Variants in FRMD5 observed in about 807,000 individuals in gnomAD.
FRMD5 encodes the protein FERM domain-containing protein 5.
In FRMD5, 20 loss-of-function variants were observed where a neutral mutation model predicts 69.0. The ratio of observed to expected loss-of-function variants is 0.29; its 90% CI spans 0.20 to 0.42. FRMD5 has a LOEUF of 0.42. FRMD5 is among the 10% of genes least tolerant of loss of function. The pLI, the probability that FRMD5 is intolerant of heterozygous loss-of-function variation, is 1.00. For missense variants in FRMD5, 595 were observed against 708.6 expected (o/e 0.84, Z 1.82); for synonymous variants, 271 against 260.1 (o/e 1.04, Z -0.40).
chr15:44,117,327 T>A (rs2076883568), intron 1 of FRMD5, among the ~76,000 whole-genome samples: 1 of 152,164 alleles, frequency 6.6e-6, no homozygotes, highest in Admixed American at 6.5e-5. Flanking sequence ...TCCTGCTTGC[T>A]CAGTTTCTGA....
At chr15:44,148,222 T>C (rs138773613) in intron 1 of FRMD5, among the ~76,000 whole-genome samples, 169 of 152,108 alleles carry the variant, frequency 1.1e-3, no homozygotes, top group African/African-American at 4.0e-3. Flanking sequence ...TAAATGAAGA[T>C]ATAGGCATAC....
chr15:44,041,949 A>G (rs981150367), intron 1 of FRMD5, among the ~76,000 whole-genome samples: 14 of 152,204 alleles, frequency 9.2e-5, no homozygotes, highest in Non-Finnish European at 1.0e-4. Flanking sequence ...ACTGAGGGAG[A>G]TAGAGACATG....
At chr15:43,917,362 G>A (rs2089409391) in intron 4 of FRMD5, among the ~76,000 whole-genome samples, 1 of 152,120 alleles carries the variant, frequency 6.6e-6, no homozygotes, top group South Asian at 2.1e-4. Flanking sequence ...CATGAGTGGG[G>A]CAGGCTAGTG....
intron 1 of FRMD5, among the ~76,000 whole-genome samples, chr15:44,054,320 C>T (rs1264453291): frequency 6.6e-6 from 1 of 152,156 alleles, no homozygotes; most frequent in Non-Finnish European, 1.5e-5. Flanking sequence ...CAACCTCTAT[C>T]CTATTATCTT....
intron 9 of FRMD5, 52 bp downstream of exon 9, chr15:43,888,757 G>A: frequency 2.7e-6 from 4 of 1,505,082 alleles, no homozygotes; most frequent in Non-Finnish European, 3.7e-6. Flanking sequence ...TGGCCACCAG[G>A]AAGCATCCCA....
intron 1 of FRMD5, among the ~76,000 whole-genome samples, chr15:44,010,623 G>A (rs192852053): frequency 7.6e-4 from 115 of 152,210 alleles, no homozygotes; most frequent in African/African-American, 2.6e-3. Flanking sequence ...GACCTCAAGT[G>A]ATCCAGCTGC....
intron 7 of FRMD5, among the ~76,000 whole-genome samples, chr15:43,895,352 G>T (rs572170080): frequency 6.6e-6 from 1 of 152,202 alleles, no homozygotes; most frequent in African/African-American, 2.4e-5. Context: ...TCAGAGATCC[G>T]CCAGAGTCCT....
intron 1 of FRMD5, among the ~76,000 whole-genome samples, chr15:44,037,788 T>C (rs1481666151): frequency 6.6e-6 from 1 of 152,084 alleles, no homozygotes; most frequent in African/African-American, 2.4e-5. Flanking sequence ...GTGTCTATAG[T>C]AGAATGATTT....
chr15:44,074,167 A>G (rs1355234577), intron 1 of FRMD5, among the ~76,000 whole-genome samples: 2 of 152,236 alleles, frequency 1.3e-5, no homozygotes, highest in Non-Finnish European at 2.9e-5. Context: ...TGAGTAGTTT[A>G]GACAATATTA....
chr15:43,938,331 C>T (rs2140481172), intron 1 of FRMD5, among the ~76,000 whole-genome samples: 1 of 152,176 alleles, frequency 6.6e-6, no homozygotes, highest in African/African-American at 2.4e-5. Context: ...CTATTAACCC[C>T]ATTTTATAAA....
chr15:43,940,160 C>G (rs2089837671), intron 1 of FRMD5, among the ~76,000 whole-genome samples: 1 of 152,150 alleles, frequency 6.6e-6, no homozygotes, highest in South Asian at 2.1e-4. Flanking sequence ...GCCTGGGCGA[C>G]AGGGCAAAAC....
intron 1 of FRMD5, among the ~76,000 whole-genome samples, chr15:44,014,384 A>G (rs1890861119): frequency 6.6e-6 from 1 of 152,220 alleles, no homozygotes; most frequent in Admixed American, 6.5e-5. Context: ...CTTTTTAGCT[A>G]TGAGATGTCA....
intron 1 of FRMD5, among the ~76,000 whole-genome samples, chr15:44,027,638 AGTTTTTTTTTTT>A (rs138642104): frequency 0.62 from 80,713 of 131,026 alleles, 26,532 homozygotes; most frequent in Non-Finnish European, 0.72. Context: ...TTTCTTTTCT[AGTTTTTTTTTTT>A]GTTTTTTTTT....
chr15:43,950,585 A>G (rs572784270), intron 1 of FRMD5, among the ~76,000 whole-genome samples: 1 of 152,276 alleles, frequency 6.6e-6, no homozygotes, highest in South Asian at 2.1e-4. Flanking sequence ...TCTTAACCTC[A>G]GTTTCACCTG....
chr15:44,081,718 C>T (rs958557709), intron 1 of FRMD5, among the ~76,000 whole-genome samples: 1 of 151,960 alleles, frequency 6.6e-6, no homozygotes, highest in African/African-American at 2.4e-5. Flanking sequence ...ATTTTGTCTG[C>T]ATTTTGGGGC....
chr15:43,885,357 G>T (rs1595480874), intron 11 of FRMD5, among the ~76,000 whole-genome samples: 1 of 152,094 alleles, frequency 6.6e-6, no homozygotes. Flanking sequence ...TGTATTTTTA[G>T]TAGAGATGGG....
Position 44,195,066 on chromosome 15 carries a change from C to A in FRMD5, c.-12G>T. 2.0e-6 allele frequency: 3 copies of A among 1,514,240 alleles called. No individual in the cohort carries two copies. The highest frequency in any genetic ancestry group is 1.8e-6 in the Non-Finnish European group (2 of 1,136,646). 93.8% of individuals were successfully genotyped at this position (1,514,240 alleles called of 1,614,324 possible). On this transcript the variant is annotated 5_prime_UTR_variant, in exon 1 of 14. Coordinates refer to ENST00000417257, the MANE Select transcript of FRMD5 (RefSeq NM_032892.5). ...AACCTGCTCAGCATCTTCCCGCCCGCCCGCCCGGGAGCGACGCGGCGGCGC... is the reference window on the plus strand; with the variant it reads ...AACCTGCTCAGCATCTTCCCGCCCGACCGCCCGGGAGCGACGCGGCGGCGC...
At chr15:44,091,260 A>T (rs1304489928) in intron 1 of FRMD5, among the ~76,000 whole-genome samples, 1 of 152,230 alleles carries the variant, frequency 6.6e-6, no homozygotes, top group Non-Finnish European at 1.5e-5. Context: ...TGAAACAAGC[A>T]TTATGAAATC....
At chr15:43,916,278 C>T (rs956489217) in intron 4 of FRMD5, among the ~76,000 whole-genome samples, 1 of 152,184 alleles carries the variant, frequency 6.6e-6, no homozygotes, top group African/African-American at 2.4e-5. Flanking sequence ...CCTGGGATAG[C>T]TTTCTCTCTC....
Sources: gnomAD v4.1 joint callset for allele counts (sites outside exome capture counted in the v4.1 genomes callset) on GRCh38, gnomAD v4.1.1 for gene constraint, MANE v1.5 for transcripts, NCBI Gene and HGNC (gene_info 2026-07-23, HGNC 2026-07-21) for gene names.